EFL1: variants seen among roughly 807,000 people sequenced by gnomAD.
The protein encoded by EFL1 is elongation factor-like GTPase 1.
Under a neutral mutation model 126.7 loss-of-function variants are expected in EFL1, and 76 were observed. That is an observed-to-expected ratio of 0.60 (90% CI 0.50 to 0.73). The LOEUF (loss-of-function observed/expected upper bound fraction) is 0.73. Ranked by LOEUF, EFL1 falls within the 30% of genes least tolerant of loss-of-function variation. The probability of loss-of-function intolerance (pLI) is 0.00; values close to 1 mark genes in which losing one functional copy is unlikely to be tolerated. For missense variants in EFL1, 1,128 were observed against 1,343.2 expected, an observed-to-expected ratio of 0.84 and a Z score of 2.50; for synonymous variants, 410 against 448.4, an observed-to-expected ratio of 0.91 and a Z score of 1.08.
chr15:82,239,552 C>T (rs2074909678), intron 6 of EFL1, among the ~76,000 whole-genome samples: 1 of 152,202 alleles, frequency 6.6e-6, no homozygotes, highest in Non-Finnish European at 1.5e-5. Flanking sequence ...TCATCAACAG[C>T]TTTCCACTGT....
At chr15:82,218,733 G>A (rs1333324800) in intron 14 of EFL1, among the ~76,000 whole-genome samples, 2 of 152,176 alleles carry the variant, frequency 1.3e-5, no homozygotes, top group African/African-American at 4.8e-5. Flanking sequence ...TGCTAAATTA[G>A]AACATGCCAT....
At chr15:82,219,292 A>G (rs1160555790) in intron 14 of EFL1, among the ~76,000 whole-genome samples, 1 of 152,148 alleles carries the variant, frequency 6.6e-6, no homozygotes, top group Non-Finnish European at 1.5e-5. Context: ...GGCCTAAGCC[A>G]GCTAGTTTTT....
Position 82,210,309 on chromosome 15 carries a change from A to T in EFL1, c.1750+4408T>A, listed in dbSNP as rs544934037. Among the ~76,000 whole-genome samples, 17 of 152,326 alleles carry T rather than the reference A, an allele frequency of 1.1e-4. No homozygotes were observed. In the East Asian group the frequency reaches 3.1e-3, roughly 28 times the overall value. ...CTGCAGTGACTCACTTCTAATAAAC[A>T]GAATGTGGCAGAAGTGGGGCTGAAG... On this transcript the variant is annotated intron_variant, in intron 15 of 19. Transcript: ENST00000268206.
intron 18 of EFL1, among the ~76,000 whole-genome samples, chr15:82,150,581 T>C (rs1398873548): frequency 1.3e-5 from 2 of 152,180 alleles, no homozygotes; most frequent in Non-Finnish European, 2.9e-5. Flanking sequence ...TAAGTCTCAG[T>C]GAACTAATAC....
chr15:82,137,192 T>C (rs1009394123), intron 19 of EFL1, among the ~76,000 whole-genome samples: 1 of 152,176 alleles, frequency 6.6e-6, no homozygotes, highest in African/African-American at 2.4e-5. Flanking sequence ...CACTTGATTA[T>C]AAATTTCATT....
intron 15 of EFL1, among the ~76,000 whole-genome samples, chr15:82,196,237 C>T (rs1477045426): frequency 6.6e-6 from 1 of 152,168 alleles, no homozygotes; most frequent in Admixed American, 6.5e-5. Context: ...CTCTGCCTGT[C>T]CTTTCCAGTG....
chr15:82,141,900 T>C (rs922339968), intron 18 of EFL1, among the ~76,000 whole-genome samples: 14 of 152,162 alleles, frequency 9.2e-5, no homozygotes, highest in African/African-American at 2.9e-4. Context: ...ATAGTTAACA[T>C]GTAATTTTGA....
At position 82,219,714 on chromosome 15, in the gene EFL1, G is replaced by T; in HGVS notation, c.1549C>A (p.Arg517=). 4 of 1,613,618 alleles carry T rather than the reference G, an allele frequency of 2.5e-6. No individual in the cohort carries two copies. Among genetic ancestry groups the T allele is most frequent in the Non-Finnish European group, 3.4e-6 (4 of 1,179,868 alleles). ...AAGACAAAAATTTTCTTTCCTCTTCGAGCCACACCACTGAACACCCGAGCA... is the reference window on the plus strand; with the variant it reads ...AAGACAAAAATTTTCTTTCCTCTTCTAGCCACACCACTGAACACCCGAGCA... ...AFARVFSGVA[R]RGKKIFVLGP... is the part of the protein sequence containing the mutation. The change falls in exon 14 of 20, where the codon CGA becomes AGA. Residue 517 remains arginine (R), a synonymous_variant. Coordinates refer to ENST00000268206, the MANE Select transcript of EFL1 (RefSeq NM_024580.6).
At chr15:82,214,143 GA>G (rs1488010800) in intron 15 of EFL1, among the ~76,000 whole-genome samples, 2 of 152,170 alleles carry the variant, frequency 1.3e-5, no homozygotes, top group African/African-American at 4.8e-5. Context: ...GGATGCAAGA[GA>G]AATTTCTTAA....
At chr15:82,166,459 C>T (rs1401683368) in intron 15 of EFL1, among the ~76,000 whole-genome samples, 1 of 152,146 alleles carries the variant, frequency 6.6e-6, no homozygotes, top group Non-Finnish European at 1.5e-5. Context: ...ACTTCACTAC[C>T]TGTACTACAT....
Position 82,175,826 on chromosome 15 carries a change from G to T in EFL1, c.1751-11842C>A, listed in dbSNP as rs373463021. The stretch of plus-strand genomic sequence containing the variant: ...AGAGCAAGACTACATCTTAAAAACT[G>T]AATTTTGAAGATTACTTAGAAATAA... On this transcript the variant is annotated intron_variant, in intron 15 of 19. Transcript: ENST00000268206. Among the ~76,000 whole-genome samples, 6 of 152,132 alleles carry T rather than the reference G, an allele frequency of 3.9e-5. No individual in the cohort carries two copies. The South Asian group carries it at 8.3e-4, about 21-fold the overall frequency.
intron 3 of EFL1, among the ~76,000 whole-genome samples, chr15:82,258,378 G>A (rs1431734863): frequency 6.6e-6 from 1 of 152,032 alleles, no homozygotes; most frequent in Non-Finnish European, 1.5e-5. Context: ...AGGGAACATG[G>A]CAAAACCCTG....
At chr15:82,178,360 T>A (rs2074216009) in intron 15 of EFL1, among the ~76,000 whole-genome samples, 1 of 152,202 alleles carries the variant, frequency 6.6e-6, no homozygotes. Flanking sequence ...GGCATCCTAG[T>A]GGAAATTCCT....
intron 9 of EFL1, among the ~76,000 whole-genome samples, chr15:82,228,530 A>T (rs181707732): frequency 2.6e-5 from 4 of 152,300 alleles, no homozygotes; most frequent in African/African-American, 9.6e-5. Context: ...CTTCTTTAAG[A>T]TTTCCCAGGA....
chr15:82,232,026 A>G (rs1185309169), intron 7 of EFL1, among the ~76,000 whole-genome samples: 1 of 152,172 alleles, frequency 6.6e-6, no homozygotes, highest in East Asian at 1.9e-4. Flanking sequence ...GTGGCTTTTC[A>G]TTTATAAATA....
chr15:82,232,003 T>C (rs1455325795), intron 7 of EFL1, among the ~76,000 whole-genome samples: 1 of 152,200 alleles, frequency 6.6e-6, no homozygotes, highest in Non-Finnish European at 1.5e-5. Context: ...TAAGTCAGGA[T>C]ACCCTTATCT....
intron 15 of EFL1, among the ~76,000 whole-genome samples, chr15:82,180,366 A>AC (rs1190641054): frequency 9.5e-6 from 1 of 105,110 alleles, no homozygotes; most frequent in Non-Finnish European, 1.8e-5. Context: ...TGGCAAAAAA[A>AC]AAAAAACAAA....
intron 15 of EFL1, among the ~76,000 whole-genome samples, chr15:82,182,681 C>G (rs971875374): frequency 6.6e-6 from 1 of 151,870 alleles, no homozygotes; most frequent in Admixed American, 6.6e-5. Flanking sequence ...AAAAATTAGC[C>G]GGGCGTGGTG....
chr15:82,185,662 G>A (rs1830164274), intron 15 of EFL1, among the ~76,000 whole-genome samples: 2 of 149,430 alleles, frequency 1.3e-5, no homozygotes. Flanking sequence ...AAAGAATACA[G>A]ACAATTAAAA....
Sources: allele counts gnomAD v4.1 joint callset (sites outside exome capture counted in the v4.1 genomes callset), GRCh38; gene constraint gnomAD v4.1.1; transcripts MANE v1.5; gene names NCBI Gene and HGNC (gene_info 2026-07-23, HGNC 2026-07-21).